The following TMEM132D variants were observed in gnomAD, a reference collection of about 807,000 sequenced individuals.
TMEM132D encodes transmembrane protein 132D.
TMEM132D carries 21 observed loss-of-function variants against 62.3 expected under a neutral mutation model. That is an observed-to-expected ratio of 0.34 (90% confidence interval 0.24 to 0.49). The LOEUF (loss-of-function observed/expected upper bound fraction) is 0.49. Among genes scored for constraint, TMEM132D ranks in the 20% least tolerant of loss-of-function variants. TMEM132D has a pLI of 0.99. For missense variants in TMEM132D, 1,346 were observed against 1,402.8 expected (o/e 0.96, Z 0.65); for synonymous variants, 621 against 575.6 (o/e 1.08, Z -1.13).
intron 1 of TMEM132D, among the ~76,000 whole-genome samples, chr12:129,900,227 T>G (rs1327172291): frequency 6.6e-6 from 1 of 152,206 alleles, no homozygotes; most frequent in East Asian, 1.9e-4. Flanking sequence ...TAATTGGAAG[T>G]AAACACACAG....
intron 1 of TMEM132D, among the ~76,000 whole-genome samples, chr12:129,746,107 G>A (rs938991069): frequency 1.3e-5 from 2 of 152,202 alleles, no homozygotes; most frequent in Non-Finnish European, 2.9e-5. Context: ...CCACTTTGCA[G>A]GTAGAGAAGC....
intron 3 of TMEM132D, among the ~76,000 whole-genome samples, chr12:129,420,962 C>A (rs1177963057): frequency 1.5e-5 from 2 of 134,472 alleles, no homozygotes; most frequent in Non-Finnish European, 3.2e-5. Flanking sequence ...GTAGATCTAC[C>A]TTTTTTTTTT....
intron 2 of TMEM132D, among the ~76,000 whole-genome samples, chr12:129,696,646 G>T (rs1881215621): frequency 6.6e-6 from 1 of 152,162 alleles, no homozygotes; most frequent in African/African-American, 2.4e-5. Flanking sequence ...TGAAAGAAGA[G>T]CCCCAGTTCT....
intron 1 of TMEM132D, among the ~76,000 whole-genome samples, chr12:129,868,375 C>A (rs1323940184): frequency 6.6e-6 from 1 of 152,142 alleles, no homozygotes; most frequent in African/African-American, 2.4e-5. Flanking sequence ...GCTAATTATA[C>A]CACAACAAAA....
chr12:129,895,292 G>A (rs917030015), intron 1 of TMEM132D, among the ~76,000 whole-genome samples: 3 of 152,198 alleles, frequency 2.0e-5, no homozygotes, highest in African/African-American at 7.2e-5. Context: ...TAACGTTACT[G>A]AAATCTCTAT....
At chr12:129,434,570 G>A (rs1872740656) in intron 3 of TMEM132D, among the ~76,000 whole-genome samples, 1 of 152,126 alleles carries the variant, frequency 6.6e-6, no homozygotes, top group Non-Finnish European at 1.5e-5. Flanking sequence ...ACCCAGGGCT[G>A]CAGAGGAGGC....
chr12:129,406,581 C>T (rs1434969605), intron 3 of TMEM132D, among the ~76,000 whole-genome samples: 1 of 150,464 alleles, frequency 6.6e-6, no homozygotes, highest in East Asian at 2.0e-4. Flanking sequence ...GATGGCACCA[C>T]TGCACTCCAG....
At chr12:129,634,933 C>A (rs1477765552) in intron 2 of TMEM132D, among the ~76,000 whole-genome samples, 2 of 152,042 alleles carry the variant, frequency 1.3e-5, no homozygotes, top group Non-Finnish European at 2.9e-5. Context: ...GGAACTAGAA[C>A]CATTTTGTGT....
intron 2 of TMEM132D, among the ~76,000 whole-genome samples, chr12:129,689,868 AG>A (rs1275006230): frequency 6.6e-6 from 1 of 152,248 alleles, no homozygotes; most frequent in Non-Finnish European, 1.5e-5. Flanking sequence ...AAGAAAAAGG[AG>A]GAAAAACTGA....
At position 129,209,359 on chromosome 12, in the gene TMEM132D, G is replaced by A. The variant is rs539481688; in HGVS notation, c.1443+161C>T. ...TCATTCTGTCCAATATTTGTGCCAC[G>A]GAGAATGTCCTGATTTAAGTGGCAG... On this transcript the variant is annotated intron_variant, in intron 5 of 8. Coordinates refer to ENST00000422113, the MANE Select transcript of TMEM132D (RefSeq NM_133448.3). Among the ~76,000 whole-genome samples the A allele has an allele frequency of 6.6e-5, 10 of 152,286 alleles. 1 individual carries two copies. The highest frequency in any genetic ancestry group is 5.9e-4 in the Admixed American group (9 of 15,302).
At chr12:129,228,459 T>C (rs1879542928) in intron 4 of TMEM132D, among the ~76,000 whole-genome samples, 1 of 152,174 alleles carries the variant, frequency 6.6e-6, no homozygotes, top group Admixed American at 6.5e-5. Flanking sequence ...CAGTCAATTT[T>C]TGAACATTTT....
intron 1 of TMEM132D, among the ~76,000 whole-genome samples, chr12:129,721,487 G>T (rs1868827752): frequency 2.6e-5 from 4 of 152,142 alleles, no homozygotes; most frequent in Non-Finnish European, 4.4e-5. Flanking sequence ...ACCAATGCTA[G>T]AAGGTCCTTG....
chr12:129,392,259 G>T (rs1251294560), intron 3 of TMEM132D, among the ~76,000 whole-genome samples: 1 of 151,208 alleles, frequency 6.6e-6, no homozygotes, highest in African/African-American at 2.5e-5. Context: ...GTTTCTCCAT[G>T]TTGGTCAGGC....
intron 3 of TMEM132D, among the ~76,000 whole-genome samples, chr12:129,356,625 C>G (rs1034560883): frequency 4.0e-5 from 6 of 148,534 alleles, no homozygotes; most frequent in East Asian, 2.1e-4. Context: ...GGAGACTATT[C>G]CGGACAACAT....
In TMEM132D at chr12:129,866,598, T is replaced by A. The variant is rs543039171; in HGVS notation, c.79+36663A>T. 3.4e-5 allele frequency among the ~76,000 whole-genome samples: 5 copies of A among 148,084 alleles called. No homozygotes were observed. In the East Asian group the frequency reaches 9.9e-4, roughly 29 times the overall value. ...CCTAGAACTTAAAGTATAATAAAAATATATTAAAAAAAAAAAGAAAAATGA... is the reference window on the plus strand; with the variant it reads ...CCTAGAACTTAAAGTATAATAAAAAAATATTAAAAAAAAAAAGAAAAATGA... On this transcript the variant is annotated intron_variant, in intron 1 of 8. Transcript: ENST00000422113.
chr12:129,769,923 G>A (rs764646047), intron 1 of TMEM132D, among the ~76,000 whole-genome samples: 49 of 152,014 alleles, frequency 3.2e-4, no homozygotes, highest in Non-Finnish European at 6.0e-4. Flanking sequence ...TTGCTGTGTC[G>A]CTGAGGCTAG....
chr12:129,434,704 G>A (rs1872744326), intron 3 of TMEM132D, among the ~76,000 whole-genome samples: 1 of 151,818 alleles, frequency 6.6e-6, no homozygotes, highest in Non-Finnish European at 1.5e-5. Flanking sequence ...ATATTTATGG[G>A]GTACAATATG....
At chr12:129,236,713 G>GC (rs1266506416) in intron 4 of TMEM132D, among the ~76,000 whole-genome samples, 4 of 151,740 alleles carry the variant, frequency 2.6e-5, no homozygotes, top group Non-Finnish European at 5.9e-5. Context: ...AATGCCTTTT[G>GC]TTTTTTTAAA....
rs1335770243 is a variant in TMEM132D, at chr12:129,700,096, A to G, written c.682T>C (p.Tyr228His). Residue 228 changes from tyrosine to histidine, a missense_variant, in exon 2 of 9, where the codon TAC (tyrosine) becomes CAC (histidine). By Grantham distance (83) the Tyr-to-His change is moderately conservative (BLOSUM62 2). Coordinates refer to ENST00000422113, the MANE Select transcript of TMEM132D (RefSeq NM_133448.3). ...QPEGTPVELYYTVHPGGERGD... is the reference protein window; with the variant it reads ...QPEGTPVELYHTVHPGGERGD... ...CTCTCACCCCCTGGGTGCACGGTGT[A>G]GTAGAGCTCCACGGGGGTCCCCTCC... 1 of 1,613,498 alleles carries G rather than the reference A, an allele frequency of 6.2e-7. No individual in the cohort carries two copies. Among genetic ancestry groups the G allele is most frequent in the Non-Finnish European group, 8.5e-7 (1 of 1,180,004 alleles).
Sources: allele counts gnomAD v4.1 joint callset (sites outside exome capture counted in the v4.1 genomes callset), GRCh38; gene constraint gnomAD v4.1.1; transcripts MANE v1.5; gene names NCBI Gene and HGNC (gene_info 2026-07-23, HGNC 2026-07-21).